The following ASPRV1 variants were observed in gnomAD, a reference collection of about 807,000 sequenced individuals.
ASPRV1 encodes the protein retroviral-like aspartic protease 1.
A neutral mutation model predicts 11.0 loss-of-function variants in ASPRV1; 7 were observed. That is an observed-to-expected ratio of 0.64 (90% confidence interval 0.36 to 1.20). The LOEUF (loss-of-function observed/expected upper bound fraction) is 1.20, where lower values mean the gene tolerates loss of function less well. Among genes scored for constraint, ASPRV1 ranks in the 50% most tolerant of loss-of-function variants. The pLI is 0.02. For missense variants in ASPRV1, 299 were observed against 320.0 expected, an observed-to-expected ratio of 0.93 and a Z score of 0.50; for synonymous variants, 136 against 138.4, an observed-to-expected ratio of 0.98 and a Z score of 0.12.
the ASPRV1 span, among the ~76,000 whole-genome samples, chr2:69,973,786 G>C: frequency 3.8e-4 from 58 of 152,344 alleles, 1 homozygote; most frequent in Non-Finnish European, 7.2e-4. Context: ...ATACATTTAA[G>C]TTTAATGTGC....
In ASPRV1 at chr2:69,960,923, C is replaced by A. The variant is rs906077985; in HGVS notation, c.514G>T (p.Val172Phe). The change falls in exon 1 of 1, where the codon GTC becomes TTC. Residue 172 changes from valine to phenylalanine, a missense_variant. Transcript: ENST00000320256. ...ANGAEMKILG[V>F]WDTAVSLGKL... is the part of the protein sequence containing the mutation. The stretch of plus-strand genomic sequence containing the variant: ...CCTAGGGACACCGCTGTATCCCAGA[C>A]ACCCAGGATCTTCATTTCAGCACCA... 7 of 1,614,126 alleles carry A rather than the reference C, an allele frequency of 4.3e-6. No individual in the cohort carries two copies. In the African/African-American group the frequency reaches 8.0e-5, roughly 18 times the overall value.
At chr2:69,935,997 A>G in the ASPRV1 span, among the ~76,000 whole-genome samples, 1 of 152,050 alleles carries the variant, frequency 6.6e-6, no homozygotes, top group Non-Finnish European at 1.5e-5. Flanking sequence ...TTGCCTCTGC[A>G]GCACCATCTT....
the ASPRV1 span, among the ~76,000 whole-genome samples, chr2:70,072,517 G>T: frequency 1.3e-5 from 2 of 150,254 alleles, no homozygotes; most frequent in Non-Finnish European, 3.0e-5. Flanking sequence ...GAGGTCAGGA[G>T]TTTGAGACCA....
the ASPRV1 span, among the ~76,000 whole-genome samples, chr2:70,009,243 A>G: frequency 1.8e-4 from 27 of 152,134 alleles, no homozygotes; most frequent in Non-Finnish European, 2.8e-4. Flanking sequence ...ACTTGTCTAT[A>G]TATTTCCAAA....
chr2:69,979,041 T>C, the ASPRV1 span, among the ~76,000 whole-genome samples: 1 of 152,098 alleles, frequency 6.6e-6, no homozygotes, highest in African/African-American at 2.4e-5. Context: ...TTTTTGTTTG[T>C]TTTTGTTTTT....
the ASPRV1 span, among the ~76,000 whole-genome samples, chr2:69,998,828 C>T: frequency 6.6e-6 from 1 of 152,004 alleles, no homozygotes; most frequent in Non-Finnish European, 1.5e-5. Context: ...TCGAAAGAAA[C>T]CAGGCTGGGA....
chr2:69,935,495 C>A, the ASPRV1 span: 1 of 1,452,012 alleles, frequency 6.9e-7, no homozygotes, highest in South Asian at 1.1e-5. Context: ...GCTGCTTTAT[C>A]TTTACCTGTT....
At chr2:70,074,764 T>C in the ASPRV1 span, among the ~76,000 whole-genome samples, 1 of 151,558 alleles carries the variant, frequency 6.6e-6, no homozygotes, top group East Asian at 2.0e-4. Context: ...ACACAGTCCA[T>C]ACTACCTACT....
At chr2:70,085,192 G>A in the ASPRV1 span, among the ~76,000 whole-genome samples, 1 of 152,206 alleles carries the variant, frequency 6.6e-6, no homozygotes, top group African/African-American at 2.4e-5. Flanking sequence ...ATGGGGAGCT[G>A]ACGGAAGCAA....
chr2:69,949,172 C>T, the ASPRV1 span, among the ~76,000 whole-genome samples: 3 of 152,178 alleles, frequency 2.0e-5, no homozygotes, highest in Non-Finnish European at 2.9e-5. Flanking sequence ...GGAGCAGACC[C>T]TGCAGGCCCC....
At chr2:70,052,225 AAAG>A in the ASPRV1 span, among the ~76,000 whole-genome samples, 216 of 152,314 alleles carry the variant, frequency 1.4e-3, 1 homozygote, top group African/African-American at 4.9e-3. Flanking sequence ...TACGGGAGTC[AAAG>A]AAGACCCCAC....
chr2:70,052,460 G>T, the ASPRV1 span, among the ~76,000 whole-genome samples: 1 of 152,108 alleles, frequency 6.6e-6, no homozygotes, highest in Admixed American at 6.6e-5. Context: ...TGGGAGAGTA[G>T]ACCAACATCT....
At chr2:69,975,033 C>T in the ASPRV1 span, among the ~76,000 whole-genome samples, 46 of 152,178 alleles carry the variant, frequency 3.0e-4, no homozygotes, top group Admixed American at 2.5e-3. Flanking sequence ...GGGTCACACG[C>T]GACAAACTCC....
the ASPRV1 span, among the ~76,000 whole-genome samples, chr2:70,085,183 T>C: frequency 1.3e-5 from 2 of 152,082 alleles, no homozygotes; most frequent in Admixed American, 1.3e-4. Context: ...GTCAAGCCCA[T>C]GGGGAGCTGA....
the ASPRV1 span, among the ~76,000 whole-genome samples, chr2:70,069,582 A>G: frequency 6.6e-6 from 1 of 152,340 alleles, no homozygotes; most frequent in South Asian, 2.1e-4. Flanking sequence ...TAACTGAGAT[A>G]CCAGGGAACT....
chr2:70,084,278 A>G, the ASPRV1 span, among the ~76,000 whole-genome samples: 1 of 152,256 alleles, frequency 6.6e-6, no homozygotes, highest in Admixed American at 6.5e-5. Context: ...TTGTTTGAAC[A>G]TTCCTTGATT....
the ASPRV1 span, chr2:69,938,307 T>C: frequency 1.2e-6 from 2 of 1,610,514 alleles, no homozygotes; most frequent in South Asian, 2.2e-5. Context: ...TGCGGCTGTC[T>C]CCTTGAAGGT....
chr2:70,021,896 G>C, the ASPRV1 span, among the ~76,000 whole-genome samples: 1 of 149,900 alleles, frequency 6.7e-6, no homozygotes, highest in African/African-American at 2.5e-5. Context: ...AGTAGAGATG[G>C]GGTTTCACCA....
chr2:69,941,939 A>T, the ASPRV1 span: 1 of 151,862 alleles, frequency 6.6e-6, no homozygotes, highest in Non-Finnish European at 1.5e-5. Context: ...TACCACTATC[A>T]TTGTCCTTTA....
Sources: allele counts gnomAD v4.1 joint callset (sites outside exome capture counted in the v4.1 genomes callset), GRCh38; gene constraint gnomAD v4.1.1; transcripts MANE v1.5; gene names NCBI Gene and HGNC (gene_info 2026-07-23, HGNC 2026-07-21).